Variants in REV1 observed in about 807,000 individuals in gnomAD.
REV1 encodes translesion synthesis protein REV1.
A neutral mutation model predicts 137.4 loss-of-function variants in REV1; 42 were observed. The observed-to-expected ratio is 0.31, with a 90% CI of 0.24 to 0.40. The LOEUF is 0.40. Ranked by LOEUF, REV1 falls within the 10% of genes least tolerant of loss-of-function variation. REV1 has a pLI of 1.00. For synonymous variants in REV1, 524 were observed against 519.2 expected (o/e 1.01, Z -0.12); for missense variants, 1,282 against 1,490.1 (o/e 0.86, Z 2.30).
At position 99,401,272 on chromosome 2, in the gene REV1, T is replaced by G. The variant is rs1675359854; in HGVS notation, c.3725A>C (p.Gln1242Pro). Reference sequence around the variant, plus strand: ...AACTTTTAATGTGCTTCCATAAGTTTGTTGTAAAACCACCTGGACATTGTC... The same window carrying G: ...AACTTTTAATGTGCTTCCATAAGTTGGTTGTAAAACCACCTGGACATTGTC... ...ILDNVQVVLQ[Q>P]TYGSTLKVT is the part of the protein sequence containing the mutation. The change falls in exon 23 of 23, where the codon CAA becomes CCA. Residue 1242 changes from glutamine to proline, a missense_variant. Around this residue, in one of 7 missense-constraint regions of REV1, gnomAD observed 43 missense variants for 79.1 expected, o/e 0.54. Coordinates refer to ENST00000258428, the MANE Select transcript of REV1 (RefSeq NM_016316.4). 1.9e-6 allele frequency: 3 copies of G among 1,612,828 alleles called. No homozygotes were observed.
In REV1 at chr2:99,403,807, A is replaced by G; in HGVS notation, c.3054T>C (p.Pro1018=). ...IALPAFSQVD[P]EVFAALPAEL... ...CAGCAGGAAGGGCAGCAAATACCTC[A>G]GGGTCCACCTAGTGGAAAAGACGAG... Residue 1018 remains proline, a synonymous_variant, in exon 19 of 23, where the codon CCT becomes CCC. Coordinates refer to ENST00000258428, the MANE Select transcript of REV1 (RefSeq NM_016316.4). 7.4e-6 allele frequency: 12 copies of G among 1,614,118 alleles called. No individual in the cohort carries two copies. Among genetic ancestry groups the G allele is most frequent in the Non-Finnish European group, 1.0e-5 (12 of 1,180,008 alleles).
intron 1 of REV1, among the ~76,000 whole-genome samples, chr2:99,486,522 C>T (rs1687154961): frequency 8.9e-6 from 1 of 111,736 alleles, no homozygotes; most frequent in Non-Finnish European, 1.8e-5. Flanking sequence ...GAGCGAGACT[C>T]CATCTCAAAA....
At chr2:99,461,425 T>C (rs1435947110) in intron 3 of REV1, among the ~76,000 whole-genome samples, 1 of 152,180 alleles carries the variant, frequency 6.6e-6, no homozygotes, top group East Asian at 1.9e-4. Context: ...TGCAGATTCA[T>C]TCAGGGAGCC....
At chr2:99,472,634 A>G (rs1685545695) in intron 1 of REV1, among the ~76,000 whole-genome samples, 1 of 152,238 alleles carries the variant, frequency 6.6e-6, no homozygotes. Context: ...GGTGGGGTGC[A>G]AAGCTGGGAA....
chr2:99,476,580 T>C (rs934183065), intron 1 of REV1, among the ~76,000 whole-genome samples: 2 of 147,326 alleles, frequency 1.4e-5, no homozygotes, highest in African/African-American at 5.1e-5. Context: ...ATAATAATAA[T>C]GTCCACCCTG....
intron 1 of REV1, among the ~76,000 whole-genome samples, chr2:99,480,099 G>A (rs895651434): frequency 2.0e-5 from 3 of 152,128 alleles, no homozygotes; most frequent in African/African-American, 7.2e-5. Context: ...CAGGAGGACT[G>A]CTCAAGCCCA....
In REV1 at chr2:99,410,851, G is replaced by A; in HGVS notation, c.2189C>T (p.Ala730Val). The A allele has an allele frequency of 6.3e-7, 1 of 1,586,570 alleles. No homozygotes were observed. Among genetic ancestry groups the A allele is most frequent in the Non-Finnish European group, 8.5e-7 (1 of 1,172,922 alleles). ...IRFTQPKEAE[A>V]FLLSLSEEIQ... ...TTCTTCTGAAAGACTCAGAAGAAAAGCTTCTGCCTCTTTTGGCTATGGAAA... is the reference window on the plus strand; with the variant it reads ...TTCTTCTGAAAGACTCAGAAGAAAAACTTCTGCCTCTTTTGGCTATGGAAA... The change falls in exon 14 of 23, where the codon GCT becomes GTT. Residue 730 changes from alanine (A) to valine (V), a missense_variant. This residue lies in a region of REV1 where 372 missense variants were observed against 482.3 expected (regional missense o/e 0.77). Coordinates refer to ENST00000258428, the MANE Select transcript of REV1 (RefSeq NM_016316.4).
intron 1 of REV1, among the ~76,000 whole-genome samples, chr2:99,471,024 C>T (rs2105221078): frequency 6.6e-6 from 1 of 152,264 alleles, no homozygotes; most frequent in East Asian, 1.9e-4. Flanking sequence ...AATTGACATG[C>T]AAAGAATATG....
intron 3 of REV1, among the ~76,000 whole-genome samples, chr2:99,457,502 C>T (rs1428507449): frequency 5.9e-5 from 9 of 151,922 alleles, no homozygotes; most frequent in African/African-American, 1.7e-4. Context: ...GCCAACATGG[C>T]GAAACCCCAT....
upstream of REV1, chr2:99,490,075 C>A (rs1368660752): frequency 6.7e-6 from 1 of 149,374 alleles, no homozygotes; most frequent in African/African-American, 2.4e-5. Context: ...TAGCGTTCCG[C>A]GCGCGCTCCC....
intron 9 of REV1, chr2:99,424,952 C>A: frequency 8.2e-7 from 1 of 1,216,166 alleles, no homozygotes; most frequent in South Asian, 1.4e-5. Flanking sequence ...CCCACATTAC[C>A]TTTGACATTT....
At chr2:99,425,848 C>T (rs376753091) in intron 9 of REV1, among the ~76,000 whole-genome samples, 4 of 151,740 alleles carry the variant, frequency 2.6e-5, no homozygotes, top group Admixed American at 6.6e-5. Context: ...ACCACCCTGA[C>T]CAGCATGGAG....
At chr2:99,459,033 C>A (rs952780938) in intron 3 of REV1, among the ~76,000 whole-genome samples, 1 of 151,934 alleles carries the variant, frequency 6.6e-6, no homozygotes, top group Non-Finnish European at 1.5e-5. Flanking sequence ...ACGGTGAAAC[C>A]CCGTCTCTAC....
chr2:99,489,220 G>A (rs1378629581), intron 1 of REV1, among the ~76,000 whole-genome samples: 2 of 152,164 alleles, frequency 1.3e-5, no homozygotes, highest in Non-Finnish European at 2.9e-5. Flanking sequence ...GAAAAACAAG[G>A]GAGCAACAAC....
intron 1 of REV1, among the ~76,000 whole-genome samples, chr2:99,469,627 A>G (rs1242065806): frequency 6.6e-6 from 1 of 152,214 alleles, no homozygotes; most frequent in Non-Finnish European, 1.5e-5. Flanking sequence ...CATTCTCTCA[A>G]TAGGGATGTT....
intron 3 of REV1, among the ~76,000 whole-genome samples, chr2:99,458,352 T>C (rs951392440): frequency 6.6e-6 from 1 of 152,206 alleles, no homozygotes; most frequent in Non-Finnish European, 1.5e-5. Flanking sequence ...TGTTCAACAT[T>C]ATTAGCCACG....
rs1679154983 is a variant in REV1 at position 99,425,001 on chromosome 2, A to G, written c.1548-721T>C. On this transcript the variant is annotated intron_variant, in intron 9 of 22. Coordinates refer to ENST00000258428, the MANE Select transcript of REV1 (RefSeq NM_016316.4). ...CAAAACTATAATTATGGAATTATAC[A>G]TAATTAGTAAAATTCTATTTTATCA... is the stretch of plus-strand genomic sequence containing the variant. 3.6e-6 allele frequency: 3 copies of G among 822,216 alleles called. No individual in the cohort carries two copies. The Admixed American group carries it at 1.3e-4, about 35-fold the overall frequency. 50.9% of individuals were successfully genotyped at this position (822,216 alleles called of 1,614,324 possible).
chr2:99,419,500 G>A (rs1575032632), intron 11 of REV1, among the ~76,000 whole-genome samples: 1 of 152,198 alleles, frequency 6.6e-6, no homozygotes, highest in East Asian at 1.9e-4. Context: ...ATGAGCCACC[G>A]TGCCCAATCA....
intron 3 of REV1, among the ~76,000 whole-genome samples, chr2:99,455,154 T>C (rs1683396899): frequency 6.6e-6 from 1 of 152,226 alleles, no homozygotes; most frequent in Non-Finnish European, 1.5e-5. Context: ...AAGAACTTAA[T>C]TAATTGTTGA....
Sources: gnomAD v4.1 joint callset for allele counts (sites outside exome capture counted in the v4.1 genomes callset) on GRCh38, gnomAD v4.1.1 for gene constraint, gnomAD v4.1.1 regional missense constraint, MANE v1.5 for transcripts, NCBI Gene and HGNC (gene_info 2026-07-23, HGNC 2026-07-21) for gene names.